The following ACTN1 variants were observed in gnomAD, a reference collection of about 807,000 sequenced individuals.
The protein encoded by ACTN1 is alpha-actinin-1.
In ACTN1, 30 loss-of-function variants were observed where a neutral mutation model predicts 119.6. That is an observed-to-expected ratio of 0.25 (90% CI 0.19 to 0.34). ACTN1 has a LOEUF of 0.34. Among genes scored for constraint, ACTN1 ranks in the 10% least tolerant of loss-of-function variants. ACTN1 has a pLI of 1.00. For missense variants in ACTN1, 764 were observed against 1,223.4 expected, an observed-to-expected ratio of 0.62 and a Z score of 5.60; for synonymous variants, 429 against 472.6, an observed-to-expected ratio of 0.91 and a Z score of 1.20.
intron 1 of ACTN1, among the ~76,000 whole-genome samples, chr14:68,948,539 C>T (rs548549924): frequency 5.2e-4 from 79 of 152,054 alleles, no homozygotes; most frequent in Admixed American, 7.2e-4. Context: ...GATTGCACCG[C>T]TGCACTCCAG....
intron 1 of ACTN1, among the ~76,000 whole-genome samples, chr14:68,968,950 T>C (rs2036791599): frequency 6.6e-6 from 1 of 152,096 alleles, no homozygotes; most frequent in Non-Finnish European, 1.5e-5. Flanking sequence ...TGTGGGCCTA[T>C]GCTGAGCTTG....
intron 1 of ACTN1, among the ~76,000 whole-genome samples, chr14:68,947,938 G>A (rs904178025): frequency 7.9e-5 from 12 of 152,338 alleles, no homozygotes; most frequent in South Asian, 6.2e-4. Flanking sequence ...CCAAGGCACC[G>A]CCCTCATCAC....
intron 1 of ACTN1, among the ~76,000 whole-genome samples, chr14:68,933,378 C>T (rs187763808): frequency 9.9e-5 from 15 of 152,166 alleles, no homozygotes; most frequent in South Asian, 2.1e-4. Context: ...TCAAGTGATC[C>T]GCCCGCCTCA....
intron 1 of ACTN1, among the ~76,000 whole-genome samples, chr14:68,966,550 C>G (rs533742426): frequency 1.5e-4 from 23 of 152,300 alleles, no homozygotes; most frequent in African/African-American, 5.1e-4. Context: ...TTCTGCCAAA[C>G]AACTCTCTGG....
At chr14:68,959,267 C>G (rs955979848) in intron 1 of ACTN1, among the ~76,000 whole-genome samples, 5 of 152,344 alleles carry the variant, frequency 3.3e-5, no homozygotes, top group African/African-American at 1.2e-4. Context: ...ATTGCCTCAG[C>G]TCCCCACAGA....
intron 14 of ACTN1, 121 bp from the exon 15 acceptor site, chr14:68,883,176 TCTTGTGGCTGAGAACCAGGATGGCAGGTA>T (rs2140096126): frequency 9.1e-7 from 1 of 1,096,108 alleles, no homozygotes; most frequent in African/African-American, 1.6e-5. Flanking sequence ...ATTCAAAGAT[TCTTGTGGCTGAGAACCAGGATGGCAGGTA>T]TGGCCACAGG....
At chr14:68,977,963 A>T (rs781775485) in intron 1 of ACTN1, 6 of 456,046 alleles carry the variant, frequency 1.3e-5, no homozygotes, top group South Asian at 7.7e-5. Context: ...GCAGGCAGGA[A>T]GCAGCGGTAG....
At chr14:68,959,954 G>A (rs77616516) in intron 1 of ACTN1, among the ~76,000 whole-genome samples, 67 of 152,242 alleles carry the variant, frequency 4.4e-4, no homozygotes, top group African/African-American at 1.5e-3. Flanking sequence ...AAAACACATC[G>A]ACATCCATGT....
intron 20 of ACTN1, 108 bp from the exon 21 acceptor site, chr14:68,877,348 G>A: frequency 7.2e-7 from 1 of 1,384,090 alleles, no homozygotes; most frequent in East Asian, 2.3e-5. Flanking sequence ...TGGAAGAGAA[G>A]GGCACATCCC....
chr14:68,928,999 G>A (rs2035073315), intron 1 of ACTN1, among the ~76,000 whole-genome samples: 1 of 152,138 alleles, frequency 6.6e-6, no homozygotes, highest in Non-Finnish European at 1.5e-5. Context: ...GGGTGGAACT[G>A]TGGCACATTC....
chr14:68,962,199 C>A (rs963691736), intron 1 of ACTN1, among the ~76,000 whole-genome samples: 1 of 152,226 alleles, frequency 6.6e-6, no homozygotes, highest in East Asian at 1.9e-4. Flanking sequence ...CAAGAGCCCA[C>A]ATCCAGGGCA....
intron 1 of ACTN1, among the ~76,000 whole-genome samples, chr14:68,966,005 C>A (rs1247820971): frequency 6.6e-6 from 1 of 152,042 alleles, no homozygotes; most frequent in Non-Finnish European, 1.5e-5. Flanking sequence ...ATCGTTTAAG[C>A]CCAGGAGTTT....
At chr14:68,941,641 C>T (rs909808007) in intron 1 of ACTN1, among the ~76,000 whole-genome samples, 2 of 152,186 alleles carry the variant, frequency 1.3e-5, no homozygotes, top group South Asian at 2.1e-4. Context: ...AAGCCCAGCA[C>T]ACCCTAAGTA....
chr14:68,882,672 G>C lies in ACTN1; in HGVS notation c.1819-80C>G. On this transcript the variant is annotated intron_variant, in intron 15 of 21. Transcript: ENST00000394419. This position sits in a 1 kb window ranked among gnomAD's most constrained non-coding sequence, Gnocchi z 4.5. ...GCCAGATGAGGAAATGGAGGACCCA[G>C]AAGGGGAAGGGCCGGTCAGTAACAG... 1.3e-6 allele frequency: 2 copies of C among 1,589,572 alleles called. No individual in the cohort carries two copies. Among genetic ancestry groups the C allele is most frequent in the Non-Finnish European group, 1.7e-6 (2 of 1,164,280 alleles).
At chr14:68,912,333 G>A (rs1566629713) in intron 3 of ACTN1, 91 bp from the exon 4 acceptor site, 3 of 1,006,952 alleles carry the variant, frequency 3.0e-6, no homozygotes, top group Admixed American at 1.9e-5. Context: ...CATGCCCCAC[G>A]CTAGGAATCA....
intron 3 of ACTN1, among the ~76,000 whole-genome samples, chr14:68,913,607 C>T (rs752661334): frequency 7.2e-5 from 11 of 152,188 alleles, no homozygotes; most frequent in Non-Finnish European, 1.6e-4. Context: ...CATGACCAGC[C>T]GGGTGTAGTC....
intron 1 of ACTN1, chr14:68,977,758 G>A (rs1308824731): frequency 6.0e-6 from 2 of 334,066 alleles, no homozygotes; most frequent in South Asian, 2.2e-5. Flanking sequence ...TCTCCCTCAA[G>A]CCCAGCCCTA....
Position 68,939,918 on chromosome 14 carries a change from G to C in ACTN1, c.106-14246C>G, listed in dbSNP as rs1020978347. On this transcript the variant is annotated intron_variant, in intron 1 of 21. Coordinates refer to ENST00000394419, the MANE Select transcript of ACTN1 (RefSeq NM_001130004.2). ...TGGAAAGAAACCAGGCTCAAAGACA[G>C]GCCCTGGACCAGAGCCCTCTCGGGG... Among the ~76,000 whole-genome samples the C allele has an allele frequency of 2.0e-4, 31 of 152,236 alleles. No homozygotes were observed. The East Asian group carries it at 5.6e-3, about 28-fold the overall frequency.
At chr14:68,934,352 C>T (rs1345979484) in intron 1 of ACTN1, among the ~76,000 whole-genome samples, 1 of 152,252 alleles carries the variant, frequency 6.6e-6, no homozygotes, top group African/African-American at 2.4e-5. Flanking sequence ...GAGGAACCCA[C>T]GTCAATACCT....
Sources: gnomAD v4.1 joint callset for allele counts (sites outside exome capture counted in the v4.1 genomes callset) on GRCh38, gnomAD v4.1.1 for gene constraint, Gnocchi (gnomAD v3.1) non-coding constraint, MANE v1.5 for transcripts, NCBI Gene and HGNC (gene_info 2026-07-23, HGNC 2026-07-21) for gene names.